Variants in ALCAM observed in about 807,000 individuals in gnomAD.
The protein encoded by ALCAM is activated leukocyte cell adhesion molecule, also known as CD166 antigen.
Under a neutral mutation model 70.9 loss-of-function variants are expected in ALCAM, and 30 were observed. That is an observed-to-expected ratio of 0.42 (90% CI 0.32 to 0.57). The LOEUF is 0.57. Among genes scored for constraint, ALCAM ranks in the 20% least tolerant of loss-of-function variants. ALCAM has a pLI of 0.11. For synonymous variants in ALCAM, 249 were observed against 242.5 expected, an observed-to-expected ratio of 1.03 and a Z score of -0.25; for missense variants, 591 against 695.1, an observed-to-expected ratio of 0.85 and a Z score of 1.68.
intron 1 of ALCAM, among the ~76,000 whole-genome samples, chr3:105,382,483 T>C (rs1435818878): frequency 6.6e-6 from 1 of 152,052 alleles, no homozygotes; most frequent in Non-Finnish European, 1.5e-5. Flanking sequence ...TCAAATGGTA[T>C]TTCTAGTTCT....
chr3:105,474,603 A>AAAG (rs1553726644), intron 1 of ALCAM, among the ~76,000 whole-genome samples: 2 of 150,740 alleles, frequency 1.3e-5, no homozygotes, highest in East Asian at 1.9e-4. Flanking sequence ...GCGAAAAAAA[A>AAAG]AGAGAGAGAG....
intron 1 of ALCAM, among the ~76,000 whole-genome samples, chr3:105,378,816 G>C (rs775021197): frequency 1.2e-4 from 18 of 151,996 alleles, no homozygotes; most frequent in Admixed American, 2.0e-4. Flanking sequence ...AAAGGAGTAG[G>C]GTTTCAGGGT....
chr3:105,526,555 G>A (rs1456413001), intron 3 of ALCAM, among the ~76,000 whole-genome samples: 1 of 152,160 alleles, frequency 6.6e-6, no homozygotes. Context: ...ATTCCAGGCT[G>A]TGGGCCAGGG....
intron 1 of ALCAM, among the ~76,000 whole-genome samples, chr3:105,507,460 T>C (rs1043798639): frequency 6.6e-6 from 1 of 152,176 alleles, no homozygotes; most frequent in Non-Finnish European, 1.5e-5. Context: ...CAACCACTGG[T>C]CTCTTTACTA....
rs535826561 is a variant in ALCAM at position 105,506,759 on chromosome 3, T to C, written c.74-13308T>C. ...AAATTATCAAAGCCATTGTCTCTTTTAAAATGGAAAGATGAACCAAATGTA... is the reference window on the plus strand; with the variant it reads ...AAATTATCAAAGCCATTGTCTCTTTCAAAATGGAAAGATGAACCAAATGTA... On this transcript the variant is annotated intron_variant, in intron 1 of 15. Coordinates refer to ENST00000306107, the MANE Select transcript of ALCAM (RefSeq NM_001627.4). Among the ~76,000 whole-genome samples, 25 of 152,354 alleles carry C rather than the reference T, an allele frequency of 1.6e-4. 1 individual carries two copies. Among genetic ancestry groups the C allele is most frequent in the African/African-American group, 6.0e-4 (25 of 41,584 alleles).
At position 105,558,522 on chromosome 3, in the gene ALCAM, A is replaced by G. The variant is rs1337606972; in HGVS notation, c.1664+5937A>G. 7.9e-5 allele frequency among the ~76,000 whole-genome samples: 12 copies of G among 152,010 alleles called. No individual in the cohort carries two copies. The South Asian group carries it at 1.0e-3, about 13-fold the overall frequency. On this transcript the variant is annotated intron_variant, in intron 14 of 15. Coordinates refer to ENST00000306107, the MANE Select transcript of ALCAM (RefSeq NM_001627.4). Reference sequence around the variant, plus strand: ...GCCTCCTCTATCCTCTCACTATGCTATTGTTCAGTTAAAGGCATACTTACG... The same window carrying G: ...GCCTCCTCTATCCTCTCACTATGCTGTTGTTCAGTTAAAGGCATACTTACG...
At position 105,519,970 on chromosome 3, in the gene ALCAM, G is replaced by A. The variant is rs116454392; in HGVS notation, c.74-97G>A. 2.1e-3 allele frequency: 1,473 copies of A among 688,042 alleles called. 15 individuals are homozygous for A. The African/African-American group carries it at 0.024, about 11-fold the overall frequency. The allele number at this position is 688,042 out of a possible 1,614,324, so 42.6% of individuals were successfully genotyped here. ...ACTATAGCAGATGACAACCTTCATCGACATGCATCTTGAAGTTATTTGTCA... is the reference window on the plus strand; with the variant it reads ...ACTATAGCAGATGACAACCTTCATCAACATGCATCTTGAAGTTATTTGTCA... On this transcript the variant is annotated intron_variant, in intron 1 of 15. Transcript: ENST00000306107.
intron 1 of ALCAM, among the ~76,000 whole-genome samples, chr3:105,482,615 C>T (rs1282571062): frequency 6.6e-6 from 1 of 151,946 alleles, no homozygotes; most frequent in African/African-American, 2.4e-5. Flanking sequence ...GAGACCAGGC[C>T]AGAACTGGAA....
chr3:105,518,544 C>G (rs1428162883), intron 1 of ALCAM, among the ~76,000 whole-genome samples: 1 of 151,892 alleles, frequency 6.6e-6, no homozygotes, highest in Non-Finnish European at 1.5e-5. Context: ...CTGTCTAAAG[C>G]TCCTTTATTT....
chr3:105,569,376 T>C (rs1940814949), intron 14 of ALCAM, among the ~76,000 whole-genome samples: 1 of 152,176 alleles, frequency 6.6e-6, no homozygotes, highest in African/African-American at 2.4e-5. Context: ...AATATCTTAC[T>C]GATTTATAGA....
chr3:105,523,550 T>C (rs1032888816), intron 2 of ALCAM, among the ~76,000 whole-genome samples: 3 of 152,308 alleles, frequency 2.0e-5, no homozygotes, highest in African/African-American at 7.2e-5. Flanking sequence ...TTAAATTGCT[T>C]ATTAGGTGAG....
chr3:105,430,588 A>G (rs1360856643), intron 1 of ALCAM, among the ~76,000 whole-genome samples: 1 of 152,144 alleles, frequency 6.6e-6, no homozygotes, highest in Non-Finnish European at 1.5e-5. Context: ...AACATGATTT[A>G]CTACTGTCCT....
chr3:105,385,999 A>T (rs1023980596), intron 1 of ALCAM, among the ~76,000 whole-genome samples: 1 of 151,414 alleles, frequency 6.6e-6, no homozygotes, highest in Non-Finnish European at 1.5e-5. Flanking sequence ...TTTCAAAACT[A>T]CTCCCTCATG....
chr3:105,566,653 A>G (rs2049217), intron 14 of ALCAM, among the ~76,000 whole-genome samples: 18,550 of 152,136 alleles, frequency 0.12, 1,460 homozygotes, highest in Non-Finnish European at 0.18. Flanking sequence ...ACTCAAAACA[A>G]TCTACTCATG....
chr3:105,411,947 TA>T (rs762307650), intron 1 of ALCAM, among the ~76,000 whole-genome samples: 3 of 151,966 alleles, frequency 2.0e-5, no homozygotes, highest in African/African-American at 7.2e-5. Context: ...TAATCACATA[TA>T]AAAAATTTAT....
chr3:105,430,930 C>T (rs964626590), intron 1 of ALCAM, among the ~76,000 whole-genome samples: 13 of 151,976 alleles, frequency 8.6e-5, no homozygotes, highest in African/African-American at 3.1e-4. Flanking sequence ...TATTTTGTTG[C>T]TCAAATAGTT....
chr3:105,462,865 C>G (rs923716505), intron 1 of ALCAM, among the ~76,000 whole-genome samples: 2 of 151,330 alleles, frequency 1.3e-5, no homozygotes, highest in East Asian at 3.9e-4. Flanking sequence ...GCTGGCCTAA[C>G]CTTTCCATCT....
At chr3:105,480,266 C>T (rs1243195398) in intron 1 of ALCAM, among the ~76,000 whole-genome samples, 1 of 152,018 alleles carries the variant, frequency 6.6e-6, no homozygotes, top group Admixed American at 6.6e-5. Flanking sequence ...AGGAGAATTG[C>T]TTGACCCCAG....
intron 1 of ALCAM, among the ~76,000 whole-genome samples, chr3:105,470,209 G>A (rs1378587310): frequency 6.7e-6 from 1 of 150,044 alleles, no homozygotes; most frequent in Non-Finnish European, 1.5e-5. Context: ...AATTATGGGT[G>A]TAATTATGGG....
Sources: allele counts gnomAD v4.1 joint callset (sites outside exome capture counted in the v4.1 genomes callset), GRCh38; gene constraint gnomAD v4.1.1; transcripts MANE v1.5; gene names NCBI Gene and HGNC (gene_info 2026-07-23, HGNC 2026-07-21).